The following HNF4G variants were observed in gnomAD, a reference collection of about 807,000 sequenced individuals.
The protein encoded by HNF4G is hepatocyte nuclear factor 4 gamma.
A neutral mutation model predicts 50.9 loss-of-function variants in HNF4G; 21 were observed. That is an observed-to-expected ratio of 0.41 (90% confidence interval 0.29 to 0.59). The LOEUF is 0.59. HNF4G is among the 20% of genes least tolerant of loss of function. HNF4G has a pLI of 0.26. For synonymous variants in HNF4G, 198 were observed against 185.6 expected (o/e 1.07, Z -0.54); for missense variants, 527 against 559.4 (o/e 0.94, Z 0.58).
chr8:75,540,142 C>A, intron 1 of HNF4G, 62 bp downstream of exon 1: 1 of 965,808 alleles, frequency 1.0e-6, no homozygotes, highest in Non-Finnish European at 1.7e-6. Flanking sequence ...AGGTGGAAGA[C>A]TGAGCTTCCA....
intron 1 of HNF4G, among the ~76,000 whole-genome samples, chr8:75,449,708 C>T (rs13261978): frequency 0.046 from 7,050 of 151,806 alleles, 221 homozygotes; most frequent in Non-Finnish European, 0.065. Flanking sequence ...GGGGTTTCAC[C>T]GTGTTAGCCC....
chr8:75,455,489 A>G (rs901618172), intron 1 of HNF4G, among the ~76,000 whole-genome samples: 1 of 152,164 alleles, frequency 6.6e-6, no homozygotes, highest in Non-Finnish European at 1.5e-5. Flanking sequence ...GCTCCAGAGA[A>G]CAATTCAATC....
At chr8:75,462,844 C>T (rs913843631) in intron 1 of HNF4G, among the ~76,000 whole-genome samples, 2 of 152,028 alleles carry the variant, frequency 1.3e-5, no homozygotes, top group African/African-American at 4.8e-5. Context: ...GTTCCTTCTC[C>T]TTCATTTTTA....
intron 1 of HNF4G, among the ~76,000 whole-genome samples, chr8:75,458,234 G>A (rs907321034): frequency 2.0e-5 from 3 of 151,974 alleles, no homozygotes; most frequent in African/African-American, 7.2e-5. Flanking sequence ...TAGAGATAAG[G>A]AAATAGATAA....
intron 2 of HNF4G, among the ~76,000 whole-genome samples, chr8:75,505,417 C>A (rs1813050638): frequency 6.6e-6 from 1 of 152,132 alleles, no homozygotes; most frequent in African/African-American, 2.4e-5. Context: ...TGTATTCTAA[C>A]CTGAGTTGGC....
intron 2 of HNF4G, among the ~76,000 whole-genome samples, chr8:75,522,636 T>C (rs1806075873): frequency 6.6e-6 from 1 of 152,180 alleles, no homozygotes; most frequent in Non-Finnish European, 1.5e-5. Flanking sequence ...CTGTAGTCAC[T>C]ACATGCAGTA....
At chr8:75,482,803 G>A (rs993414952) in intron 1 of HNF4G, among the ~76,000 whole-genome samples, 1 of 152,144 alleles carries the variant, frequency 6.6e-6, no homozygotes, top group East Asian at 1.9e-4. Context: ...TTAAGAATAT[G>A]TTTGAATTTT....
intron 2 of HNF4G, among the ~76,000 whole-genome samples, chr8:75,526,154 G>A (rs942504701): frequency 7.6e-5 from 11 of 144,072 alleles, no homozygotes; most frequent in Non-Finnish European, 1.4e-4. Context: ...TTAGAGATAG[G>A]GCCTCACTCT....
intron 7 of HNF4G, 34 bp from the exon 8 acceptor site, chr8:75,558,767 A>C (rs1192185926): frequency 1.3e-6 from 2 of 1,593,638 alleles, no homozygotes; most frequent in South Asian, 2.2e-5. Flanking sequence ...AATTAGGTTA[A>C]ATCTGTACAC....
At chr8:75,489,620 G>T (rs1365937722) in intron 1 of HNF4G, among the ~76,000 whole-genome samples, 1 of 152,156 alleles carries the variant, frequency 6.6e-6, no homozygotes, top group Non-Finnish European at 1.5e-5. Flanking sequence ...ATTATTTAGT[G>T]CTAAGACCAT....
At chr8:75,426,928 A>T (rs906647896) in intron 1 of HNF4G, among the ~76,000 whole-genome samples, 7 of 152,228 alleles carry the variant, frequency 4.6e-5, no homozygotes, top group African/African-American at 1.7e-4. Flanking sequence ...TTAGGGATAA[A>T]TACAATGATT....
At chr8:75,555,040 C>G (rs1807072751) in intron 5 of HNF4G, among the ~76,000 whole-genome samples, 1 of 152,184 alleles carries the variant, frequency 6.6e-6, no homozygotes, top group African/African-American at 2.4e-5. Context: ...AGGCAAAGCA[C>G]TGACCCCTCT....
intron 8 of HNF4G, among the ~76,000 whole-genome samples, chr8:75,559,529 C>T (rs1198418639): frequency 2.6e-5 from 4 of 152,042 alleles, no homozygotes; most frequent in Non-Finnish European, 5.9e-5. Context: ...GCCTCGGCCT[C>T]CCAAAGTGCT....
intron 1 of HNF4G, among the ~76,000 whole-genome samples, chr8:75,411,888 G>T (rs1220134521): frequency 1.3e-5 from 2 of 152,096 alleles, no homozygotes; most frequent in Non-Finnish European, 2.9e-5. Flanking sequence ...AATTGGTAGG[G>T]TAATTACATA....
chr8:75,517,431 CA>C (rs919580693), intron 2 of HNF4G, among the ~76,000 whole-genome samples: 1 of 152,172 alleles, frequency 6.6e-6, no homozygotes, highest in African/African-American at 2.4e-5. Context: ...CCTGTAAAAT[CA>C]AAAACAAATT....
At chr8:75,520,596 C>T (rs1806013354) in intron 2 of HNF4G, among the ~76,000 whole-genome samples, 1 of 151,914 alleles carries the variant, frequency 6.6e-6, no homozygotes, top group South Asian at 2.1e-4. Context: ...TGCCACCATG[C>T]CTGGCTAATT....
chr8:75,441,061 G>A (rs1030425065), intron 1 of HNF4G, among the ~76,000 whole-genome samples: 2 of 151,926 alleles, frequency 1.3e-5, no homozygotes, highest in African/African-American at 4.8e-5. Context: ...TTGCTATAGT[G>A]CTGGCTTATA....
At chr8:75,546,962 G>C (rs1374185924) in intron 2 of HNF4G, among the ~76,000 whole-genome samples, 1 of 152,108 alleles carries the variant, frequency 6.6e-6, no homozygotes, top group Non-Finnish European at 1.5e-5. Context: ...TTCCAAAGCA[G>C]CTGCATCATT....
At chr8:75,427,871 G>A (rs73341193) in intron 1 of HNF4G, among the ~76,000 whole-genome samples, 2 of 152,030 alleles carry the variant, frequency 1.3e-5, no homozygotes, top group Non-Finnish European at 1.5e-5. Flanking sequence ...CTGAAGGTTT[G>A]TGTAGCATTA....
Sources: gnomAD v4.1 joint callset for allele counts (sites outside exome capture counted in the v4.1 genomes callset) on GRCh38, gnomAD v4.1.1 for gene constraint, MANE v1.5 for transcripts, NCBI Gene and HGNC (gene_info 2026-07-23, HGNC 2026-07-21) for gene names.